Variants in TIAM1 observed in about 807,000 individuals in gnomAD.
TIAM1 encodes rho guanine nucleotide exchange factor TIAM1.
A neutral mutation model predicts 163.5 loss-of-function variants in TIAM1; 65 were observed. The observed-to-expected ratio is 0.40, with a 90% confidence interval of 0.33 to 0.49. The LOEUF is 0.49. Among genes scored for constraint, TIAM1 ranks in the 20% least tolerant of loss-of-function variants. The pLI is 0.77. For missense variants in TIAM1, 1,789 were observed against 2,044.7 expected (o/e 0.87, Z 2.41); for synonymous variants, 833 against 810.1 (o/e 1.03, Z -0.48).
At chr21:31,409,061 A>C in intron 2 of TIAM1, among the ~76,000 whole-genome samples, 1 of 150,508 alleles carries the variant, frequency 6.6e-6, no homozygotes, top group Non-Finnish European at 1.5e-5. Flanking sequence ...TTGCTCCCAC[A>C]CTCATGCTCC....
rs1057164198 is a variant in TIAM1, at chr21:31,141,042, A to T, written c.3774+76T>A. The T allele has an allele frequency of 5.9e-6, 7 of 1,180,654 alleles. No homozygotes were observed. The highest frequency in any genetic ancestry group is 2.5e-5 in the East Asian group (1 of 39,614). The allele number at this position is 1,180,654 out of a possible 1,614,324, so 73.1% of individuals were successfully genotyped here. On this transcript the variant is annotated intron_variant, in intron 22 of 27. Transcript: ENST00000541036. This position sits in a 1 kb window ranked among gnomAD's most constrained non-coding sequence, Gnocchi z 4.7. Reference sequence around the variant, plus strand: ...TTACTTACAAGTAACACCTTTTTAAAAAATAAATAAATAAATAAAAGCAAA... The same window carrying T: ...TTACTTACAAGTAACACCTTTTTAATAAATAAATAAATAAATAAAAGCAAA...
At chr21:31,297,259 T>C (rs1483961414) in intron 2 of TIAM1, among the ~76,000 whole-genome samples, 2 of 152,268 alleles carry the variant, frequency 1.3e-5, no homozygotes, top group South Asian at 2.1e-4. Context: ...TAATGCGGGG[T>C]ACCTAGAACA....
chr21:31,442,239 T>G lies in TIAM1; in HGVS notation c.-369+21744A>C, dbSNP rs534373734. ...TAACGTCAGGAGTAGGGAGTTTTTT[T>G]TTTTTTTTTTTGAAACAGAGTCTCC... On this transcript the variant is annotated intron_variant, in intron 2 of 28. Transcript: ENST00000286827. Among the ~76,000 whole-genome samples the G allele has an allele frequency of 4.8e-5, 7 of 145,506 alleles. No homozygotes were observed. In the South Asian group the frequency reaches 1.1e-3, roughly 23 times the overall value.
At chr21:31,413,073 T>C (rs941244412) in intron 2 of TIAM1, among the ~76,000 whole-genome samples, 6 of 152,108 alleles carry the variant, frequency 3.9e-5, no homozygotes, top group African/African-American at 9.7e-5. Flanking sequence ...AAATCGGACA[T>C]GTATTCCATA....
chr21:31,135,917 C>G lies in TIAM1; in HGVS notation c.3883+16G>C. 2.5e-6 allele frequency: 4 copies of G among 1,612,966 alleles called. No homozygotes were observed. Among genetic ancestry groups the G allele is most frequent in the Middle Eastern group, 1.7e-4 (1 of 6,060 alleles). On this transcript the variant is annotated intron_variant, in intron 23 of 27. Transcript: ENST00000541036. Reference sequence around the variant, plus strand: ...TAGACTTTTCCCCCTCCATAAAACGCTTTTCTGATACACACCGAATGCTGC... The same window carrying G: ...TAGACTTTTCCCCCTCCATAAAACGGTTTTCTGATACACACCGAATGCTGC...
chr21:31,361,133 T>A (rs531665163), intron 2 of TIAM1, among the ~76,000 whole-genome samples: 3 of 152,110 alleles, frequency 2.0e-5, no homozygotes, highest in Non-Finnish European at 2.9e-5. Flanking sequence ...TCACCAGCAG[T>A]AGAATGGATT....
chr21:31,371,462 T>C (rs1357020231), intron 2 of TIAM1, among the ~76,000 whole-genome samples: 1 of 152,188 alleles, frequency 6.6e-6, no homozygotes, highest in Admixed American at 6.5e-5. Context: ...GAAAATGTAA[T>C]GTAAGATGGA....
rs34322961 is a variant in TIAM1, at chr21:31,395,237, CAAA to C, written c.-368-55818_-368-55816del. Among the ~76,000 whole-genome samples, 1 of 145,032 alleles carries C rather than the reference CAAA, an allele frequency of 6.9e-6. No individual in the cohort carries two copies. Among genetic ancestry groups the C allele is most frequent in the Admixed American group, 6.8e-5 (1 of 14,632 alleles). On this transcript the variant is annotated intron_variant, in intron 2 of 28. Coordinates refer to the TIAM1 transcript ENST00000286827. The surrounding 1 kb of genome is among the most constrained non-coding windows in gnomAD (Gnocchi z 7.5). ...TGGGCAACAGAGTGAGACTCTGTCT[CAAA>C]AAAAAAAAAGAGGAGGTGGGGGGAG...
chr21:31,172,980 G>A (rs933967646), intron 15 of TIAM1, among the ~76,000 whole-genome samples: 1 of 152,116 alleles, frequency 6.6e-6, no homozygotes, highest in African/African-American at 2.4e-5. Flanking sequence ...ATATTTTTGT[G>A]ACTGCAAAAA....
chr21:31,199,899 G>A lies in TIAM1; in HGVS notation c.2493+3009C>T, dbSNP rs189343273. Reference sequence around the variant, plus strand: ...CTCTCTTCACTCACTCACCCTGTTCGAACATCACATTAAAAAAAAAAAAAA... The same window carrying A: ...CTCTCTTCACTCACTCACCCTGTTCAAACATCACATTAAAAAAAAAAAAAA... On this transcript the variant is annotated intron_variant, in intron 12 of 27. Transcript: ENST00000541036. 6.4e-3 allele frequency among the ~76,000 whole-genome samples: 915 copies of A among 141,990 alleles called. 7 individuals carry two copies. Among genetic ancestry groups the A allele is most frequent in the Non-Finnish European group, 8.6e-3 (563 of 65,776 alleles). 93.2% of individuals were successfully genotyped at this position (141,990 alleles called of 152,430 possible).
At chr21:31,419,745 T>C (rs919658790) in intron 2 of TIAM1, among the ~76,000 whole-genome samples, 1 of 151,854 alleles carries the variant, frequency 6.6e-6, no homozygotes, top group Admixed American at 6.6e-5. Flanking sequence ...AAAGAAGCAA[T>C]TAAATAAACT....
chr21:31,388,341 G>A (rs1569288212), intron 2 of TIAM1, among the ~76,000 whole-genome samples: 1 of 151,704 alleles, frequency 6.6e-6, no homozygotes, highest in Non-Finnish European at 1.5e-5. Context: ...GGGACAGGGT[G>A]GTCAAGAGAA....
intron 2 of TIAM1, among the ~76,000 whole-genome samples, chr21:31,455,279 C>CAAAAA (rs59134253): frequency 3.6e-5 from 3 of 84,042 alleles, no homozygotes; most frequent in Admixed American, 1.4e-4. Flanking sequence ...AACTCTGCCT[C>CAAAAA]AAAAAAAAAA....
intron 2 of TIAM1, among the ~76,000 whole-genome samples, chr21:31,313,651 C>A (rs572674818): frequency 2.6e-5 from 4 of 152,104 alleles, no homozygotes; most frequent in Admixed American, 1.3e-4. Context: ...CTTGGCTCAC[C>A]GCAACCTCCA....
chr21:31,469,566 C>T (rs528722847), intron 1 of TIAM1, among the ~76,000 whole-genome samples: 6 of 152,222 alleles, frequency 3.9e-5, no homozygotes, highest in African/African-American at 9.6e-5. Context: ...CGGTGGCTCA[C>T]GCCTGTAATC....
intron 2 of TIAM1, among the ~76,000 whole-genome samples, chr21:31,401,955 C>T (rs138940662): frequency 0.06 from 9,141 of 151,820 alleles, 319 homozygotes; most frequent in Middle Eastern, 0.13. Context: ...TGGCTCACAC[C>T]TGTAATCCCA....
At chr21:31,177,068 A>C (rs773676299) in intron 15 of TIAM1, among the ~76,000 whole-genome samples, 13 of 152,226 alleles carry the variant, frequency 8.5e-5, no homozygotes, top group Non-Finnish European at 1.6e-4. Flanking sequence ...AAAAAGAGCA[A>C]TCTCTGGTCA....
At chr21:31,321,946 G>A (rs188601289) in intron 2 of TIAM1, among the ~76,000 whole-genome samples, 50 of 151,998 alleles carry the variant, frequency 3.3e-4, no homozygotes, top group South Asian at 1.5e-3. Context: ...CCAGCTACTC[G>A]GGAGGCTGAG....
chr21:31,365,930 G>A (rs1022713510), intron 2 of TIAM1, among the ~76,000 whole-genome samples: 13 of 151,354 alleles, frequency 8.6e-5, no homozygotes, highest in South Asian at 2.1e-4. Context: ...GTGAAACCCC[G>A]TCTGTACTAA....
Sources: allele counts gnomAD v4.1 joint callset (sites outside exome capture counted in the v4.1 genomes callset), GRCh38; gene constraint gnomAD v4.1.1; non-coding constraint Gnocchi (gnomAD v3.1); transcripts MANE v1.5; gene names NCBI Gene and HGNC (gene_info 2026-07-23, HGNC 2026-07-21).